SMYD2: variants seen among roughly 807,000 people sequenced by gnomAD.
SMYD2 encodes the protein N-lysine methyltransferase SMYD2.
Under a neutral mutation model 59.1 loss-of-function variants are expected in SMYD2, and 53 were observed. The ratio of observed to expected loss-of-function variants is 0.90; its 90% CI spans 0.72 to 1.13. SMYD2 has a LOEUF of 1.13. Among genes scored for constraint, SMYD2 ranks in the 50% most tolerant of loss-of-function variants. The pLI, the probability that SMYD2 is intolerant of heterozygous loss-of-function variation, is 0.00. For missense variants in SMYD2, 494 were observed against 544.7 expected, an observed-to-expected ratio of 0.91 and a Z score of 0.93; for synonymous variants, 208 against 198.8, an observed-to-expected ratio of 1.05 and a Z score of -0.39.
rs1213834945 is a variant in SMYD2, at chr1:214,308,381, G to T, written c.237+3131G>T. 1.3e-5 allele frequency among the ~76,000 whole-genome samples: 2 copies of T among 152,204 alleles called. 1 individual carries two copies. The highest frequency in any genetic ancestry group is 1.3e-4 in the Admixed American group (2 of 15,288). Reference sequence around the variant, plus strand: ...ATAAAGAGATAGAGCAGGCATAAAGGTTTAATAAAAGTAAGTGCCTAGAAA... The same window carrying T: ...ATAAAGAGATAGAGCAGGCATAAAGTTTTAATAAAAGTAAGTGCCTAGAAA... On this transcript the variant is annotated intron_variant, in intron 2 of 11. Transcript: ENST00000366957.
At chr1:214,326,439 T>C (rs1657263441) in intron 6 of SMYD2, among the ~76,000 whole-genome samples, 1 of 152,116 alleles carries the variant, frequency 6.6e-6, no homozygotes, top group Non-Finnish European at 1.5e-5. Context: ...TGTGCTTTTA[T>C]TTTAATACAA....
At chr1:214,324,883 C>T (rs3767843) in intron 6 of SMYD2, among the ~76,000 whole-genome samples, 175 bp downstream of exon 6, 40,237 of 152,052 alleles carry the variant, frequency 0.26, 5,580 homozygotes, top group East Asian at 0.47. Flanking sequence ...ACTTAAGGAT[C>T]CAAAGGTAGT....
At chr1:214,281,500 G>A (rs915713392) in intron 1 of SMYD2, 73 bp downstream of exon 1, 138 of 1,204,298 alleles carry the variant, frequency 1.1e-4, no homozygotes, top group Non-Finnish European at 1.4e-4. Flanking sequence ...GGCGGCGCCA[G>A]GAAGTGCGTG....
In SMYD2 at chr1:214,305,196, A is replaced by G. The variant is rs1482074531; in HGVS notation, c.183A>G (p.Gly61=). ...CCTTTCTGTTTTTAAGGAAAGAAGG[A>G]TTGTCCAAATGTGGAAGATGCAAGC... The part of the protein sequence containing the change: ...HCEYCFTRKE[G]LSKCGRCKQA... The change falls in exon 2 of 12, where the codon GGA becomes GGG. Residue 61 remains glycine (G), a synonymous_variant. Coordinates refer to ENST00000366957, the MANE Select transcript of SMYD2 (RefSeq NM_020197.3). 6.2e-6 allele frequency: 10 copies of G among 1,614,070 alleles called. No homozygotes were observed. In the South Asian group the frequency reaches 8.8e-5, roughly 14 times the overall value.
At chr1:214,323,851 CAG>C (rs1350206201) in intron 5 of SMYD2, among the ~76,000 whole-genome samples, 1 of 152,246 alleles carries the variant, frequency 6.6e-6, no homozygotes, top group Non-Finnish European at 1.5e-5. Flanking sequence ...GCCTCCCTAA[CAG>C]AGAGAGGGAT....
At chr1:214,308,428 C>T (rs1656947762) in intron 2 of SMYD2, among the ~76,000 whole-genome samples, 1 of 152,008 alleles carries the variant, frequency 6.6e-6, no homozygotes, top group Admixed American at 6.6e-5. Context: ...ACAAGGGCTT[C>T]GTAAAGGAAA....
chr1:214,317,879 T>C (rs1480749148), intron 3 of SMYD2, among the ~76,000 whole-genome samples, 200 bp from the exon 4 acceptor site: 2 of 152,204 alleles, frequency 1.3e-5, no homozygotes, highest in Non-Finnish European at 2.9e-5. Context: ...AGGTACACGG[T>C]AGACATTTAA....
intron 1 of SMYD2, among the ~76,000 whole-genome samples, chr1:214,298,925 GGA>G (rs1389051117): frequency 6.6e-6 from 1 of 152,138 alleles, no homozygotes; most frequent in Non-Finnish European, 1.5e-5. Context: ...GGCTGAGGCA[GGA>G]GGGTCACTTG....
In SMYD2 at chr1:214,327,660, T is replaced by C. The variant is rs768846751; in HGVS notation, c.641T>C (p.Ile214Thr). The C allele has an allele frequency of 6.2e-7, 1 of 1,614,188 alleles. No individual in the cohort carries two copies. The highest frequency in any genetic ancestry group is 1.7e-5 in the Admixed American group (1 of 60,030). ...AATCATAGCTGTTGCCCCAATGTCA[T>C]TGTGACCTACAAAGGGACCCTGGCA... ...LMNHSCCPNV[I>T]VTYKGTLAEV... Residue 214 changes from isoleucine (I) to threonine (T), a missense_variant, in exon 7 of 12, where the codon ATT becomes ACT. Physicochemically the swap from Ile to Thr is moderately conservative, Grantham distance 89. Transcript: ENST00000366957.
intron 3 of SMYD2, among the ~76,000 whole-genome samples, chr1:214,316,473 A>T (rs1397275612): frequency 6.6e-6 from 1 of 151,874 alleles, no homozygotes; most frequent in Non-Finnish European, 1.5e-5. Flanking sequence ...CAACAAAGTA[A>T]ATGAGACTCT....
intron 6 of SMYD2, among the ~76,000 whole-genome samples, chr1:214,325,510 G>A (rs935572660): frequency 1.3e-5 from 2 of 152,208 alleles, no homozygotes; most frequent in African/African-American, 4.8e-5. Flanking sequence ...GCCTTTGCCT[G>A]TAGGTTGCCA....
chr1:214,333,200 T>G (rs1657384026), intron 10 of SMYD2: 1 of 152,198 alleles, frequency 6.6e-6, no homozygotes, highest in Non-Finnish European at 1.5e-5. Flanking sequence ...ACCTTCCTTT[T>G]CTCCTAGAGT....
At chr1:214,305,840 T>G (rs1217108187) in intron 2 of SMYD2, among the ~76,000 whole-genome samples, 1 of 152,190 alleles carries the variant, frequency 6.6e-6, no homozygotes, top group Non-Finnish European at 1.5e-5. Flanking sequence ...ATAAGGAGGA[T>G]GTTGGAGGAA....
chr1:214,326,539 T>G (rs72757908), intron 6 of SMYD2, among the ~76,000 whole-genome samples: 10,340 of 152,216 alleles, frequency 0.068, 499 homozygotes, highest in Non-Finnish European at 0.1. Context: ...CTTGGTGCAG[T>G]GCAGAGGTGG....
At chr1:214,286,356 T>G (rs997098914) in intron 1 of SMYD2, among the ~76,000 whole-genome samples, 8 of 152,040 alleles carry the variant, frequency 5.3e-5, no homozygotes, top group African/African-American at 1.9e-4. Flanking sequence ...CCTGTAGTCC[T>G]AGCTACACTT....
chr1:214,307,988 A>G (rs1656941477), intron 2 of SMYD2, among the ~76,000 whole-genome samples: 1 of 152,232 alleles, frequency 6.6e-6, no homozygotes, highest in African/African-American at 2.4e-5. Context: ...GGATGGAGGA[A>G]ACAGTTACGG....
At chr1:214,304,088 G>T (rs1330158897) in intron 1 of SMYD2, among the ~76,000 whole-genome samples, 1 of 152,184 alleles carries the variant, frequency 6.6e-6, no homozygotes, top group Non-Finnish European at 1.5e-5. Flanking sequence ...ATACACACGC[G>T]AGCACCTAAC....
At position 214,305,200 on chromosome 1, in the gene SMYD2, T is replaced by C. The variant is rs1210283469; in HGVS notation, c.187T>C (p.Ser63Pro). Residue 63 changes from serine (S) to proline (P), a missense_variant, in exon 2 of 12, where the codon TCC (serine) becomes CCC (proline). Transcript: ENST00000366957. ...TCTGTTTTTAAGGAAAGAAGGATTG[T>C]CCAAATGTGGAAGATGCAAGCAGGC... Reference protein sequence around the residue: ...EYCFTRKEGLSKCGRCKQAFY... With the variant: ...EYCFTRKEGLPKCGRCKQAFY... 1.2e-6 allele frequency: 2 copies of C among 1,614,212 alleles called. No homozygotes were observed. Among genetic ancestry groups the C allele is most frequent in the Admixed American group, 1.7e-5 (1 of 60,020 alleles).
intron 3 of SMYD2, 75 bp downstream of exon 3, chr1:214,314,947 CCTTTGGTAA>C (rs762508049): frequency 2.4e-4 from 263 of 1,073,896 alleles, no homozygotes; most frequent in Admixed American, 8.2e-4. Flanking sequence ...GAGTAACTGA[CCTTTGGTAA>C]CCATCTCTCG....
Sources: gnomAD v4.1 joint callset for allele counts (sites outside exome capture counted in the v4.1 genomes callset) on GRCh38, gnomAD v4.1.1 for gene constraint, MANE v1.5 for transcripts, NCBI Gene and HGNC (gene_info 2026-07-23, HGNC 2026-07-21) for gene names.